The following TRAK1 variants were observed in gnomAD, a reference collection of about 807,000 sequenced individuals.
TRAK1 encodes the protein trafficking kinesin-binding protein 1.
A neutral mutation model predicts 92.1 loss-of-function variants in TRAK1; 33 were observed. The ratio of observed to expected loss-of-function variants is 0.36; its 90% CI spans 0.27 to 0.48. The LOEUF (loss-of-function observed/expected upper bound fraction) is 0.48, where lower values mean the gene tolerates loss of function less well. Ranked by LOEUF, TRAK1 falls within the 20% of genes least tolerant of loss-of-function variation. The pLI is 0.99. For synonymous variants in TRAK1, 521 were observed against 517.3 expected (o/e 1.01, Z -0.10); for missense variants, 1,123 against 1,257.9 (o/e 0.89, Z 1.62).
chr3:42,122,857 G>A (rs1324197737), intron 1 of TRAK1, among the ~76,000 whole-genome samples: 4 of 152,134 alleles, frequency 2.6e-5, no homozygotes, highest in Non-Finnish European at 5.9e-5. Flanking sequence ...TCTTGTTTTT[G>A]GCTGGCTGAA....
Position 42,160,263 on chromosome 3 carries a change from G to A in TRAK1, c.287-16551G>A, listed in dbSNP as rs1350685635. On this transcript the variant is annotated intron_variant, in intron 2 of 15. Transcript: ENST00000327628. ...CAGGCCAGGGCGCAGTGTGTGCCCT[G>A]GGGGCCCAGGCCTGCATGGCTCCTC... is the stretch of plus-strand genomic sequence containing the variant. 16 of 1,547,542 alleles carry A rather than the reference G, an allele frequency of 1.0e-5. No individual in the cohort carries two copies. The African/African-American group carries it at 2.2e-4, about 21-fold the overall frequency.
intron 1 of TRAK1, among the ~76,000 whole-genome samples, chr3:42,110,094 G>GTATATATATA (rs375315730): frequency 0.014 from 1,124 of 83,022 alleles, 31 homozygotes; most frequent in African/African-American, 0.017. Context: ...AGAACTTAAA[G>GTATATATATA]TATATATATA....
chr3:42,210,197 T>C (rs1231168176), intron 14 of TRAK1: 3 of 1,562,272 alleles, frequency 1.9e-6, no homozygotes, highest in Non-Finnish European at 2.6e-6. Context: ...TTCTCACCTC[T>C]GTTCCAGGCA....
At chr3:42,165,978 G>T (rs1261945207) in intron 2 of TRAK1, among the ~76,000 whole-genome samples, 1 of 151,924 alleles carries the variant, frequency 6.6e-6, no homozygotes, top group Non-Finnish European at 1.5e-5. Context: ...CCCATTTCTG[G>T]GGCCTGTCCC....
At chr3:42,207,968 G>T (rs1708519599) in intron 13 of TRAK1, among the ~76,000 whole-genome samples, 1 of 152,124 alleles carries the variant, frequency 6.6e-6, no homozygotes, top group Admixed American at 6.6e-5. Context: ...CCCCCTAGAT[G>T]CCATTAGCAC....
chr3:42,086,739 T>G (rs928286591), upstream of TRAK1, among the ~76,000 whole-genome samples: 7 of 152,106 alleles, frequency 4.6e-5, no homozygotes, highest in Admixed American at 4.6e-4. Context: ...GAGAAACATA[T>G]CTTATGTAAT....
upstream of TRAK1, among the ~76,000 whole-genome samples, chr3:42,090,384 A>G (rs1704948351): frequency 6.6e-6 from 1 of 152,234 alleles, no homozygotes; most frequent in African/African-American, 2.4e-5. Flanking sequence ...AAATGGCAGA[A>G]TGTACCGCTG....
intron 2 of TRAK1, among the ~76,000 whole-genome samples, chr3:42,169,172 T>C (rs1000827240): frequency 1.3e-5 from 2 of 151,642 alleles, no homozygotes; most frequent in African/African-American, 4.8e-5. Context: ...GATCTATCTA[T>C]CTCTATAATT....
chr3:42,090,272 G>A (rs1234053127), upstream of TRAK1, among the ~76,000 whole-genome samples: 1 of 152,248 alleles, frequency 6.6e-6, no homozygotes, highest in African/African-American at 2.4e-5. Flanking sequence ...CACATGAATT[G>A]ATCCTTGGGA....
intron 1 of TRAK1, among the ~76,000 whole-genome samples, chr3:42,021,248 A>G (rs1009002630): frequency 7.2e-5 from 11 of 152,192 alleles, no homozygotes; most frequent in Non-Finnish European, 4.4e-5. Flanking sequence ...TTCTTAGTAG[A>G]GAATAAAAGA....
chr3:42,176,357 T>G (rs1703210208), intron 2 of TRAK1, among the ~76,000 whole-genome samples: 1 of 152,224 alleles, frequency 6.6e-6, no homozygotes, highest in South Asian at 2.1e-4. Flanking sequence ...TTAATAATTA[T>G]GCCAACAGCT....
At chr3:42,103,657 A>G (rs1707119778) in intron 1 of TRAK1, among the ~76,000 whole-genome samples, 1 of 152,106 alleles carries the variant, frequency 6.6e-6, no homozygotes. Context: ...GCACTTTGGG[A>G]GGCTGAAGTG....
intron 2 of TRAK1, among the ~76,000 whole-genome samples, chr3:42,150,210 C>T (rs545760418): frequency 3.9e-4 from 59 of 152,276 alleles, no homozygotes; most frequent in African/African-American, 1.4e-3. Flanking sequence ...ATGTGTCCTT[C>T]TGTCACTACC....
intron 1 of TRAK1, among the ~76,000 whole-genome samples, chr3:42,019,744 TAATTTC>T (rs1701662942): frequency 6.6e-6 from 1 of 152,210 alleles, no homozygotes; most frequent in Admixed American, 6.5e-5. Flanking sequence ...TTCTATCAAA[TAATTTC>T]CAGTTTGAGA....
At chr3:42,195,795 G>T (rs534919945) in intron 10 of TRAK1, among the ~76,000 whole-genome samples, 34 of 152,342 alleles carry the variant, frequency 2.2e-4, no homozygotes, top group Non-Finnish European at 3.7e-4. Context: ...ACAGATGGGT[G>T]ATCCAGTGAT....
chr3:42,163,571 GAA>G (rs527410797), intron 2 of TRAK1, among the ~76,000 whole-genome samples: 12 of 114,050 alleles, frequency 1.1e-4, no homozygotes, highest in Admixed American at 4.7e-4. Context: ...CCATCTCAAA[GAA>G]AAAAAAAAAA....
chr3:42,208,789 C>T (rs937240322), intron 13 of TRAK1, among the ~76,000 whole-genome samples: 2 of 152,222 alleles, frequency 1.3e-5, no homozygotes, highest in Admixed American at 6.5e-5. Context: ...GCCAGCCTCA[C>T]GGGCCATGCA....
At chr3:42,182,423 G>T (rs541792316) in intron 3 of TRAK1, among the ~76,000 whole-genome samples, 1 of 151,854 alleles carries the variant, frequency 6.6e-6, no homozygotes, top group Non-Finnish European at 1.5e-5. Context: ...CTCCCGAGTC[G>T]CTGGGATTAC....
At chr3:42,144,071 T>C (rs1312067285) in intron 2 of TRAK1, among the ~76,000 whole-genome samples, 1 of 152,186 alleles carries the variant, frequency 6.6e-6, no homozygotes, top group East Asian at 1.9e-4. Context: ...CAATAATGTG[T>C]TGTCACTGTT....
Sources: allele counts gnomAD v4.1 joint callset (sites outside exome capture counted in the v4.1 genomes callset), GRCh38; gene constraint gnomAD v4.1.1; transcripts MANE v1.5; gene names NCBI Gene and HGNC (gene_info 2026-07-23, HGNC 2026-07-21).